PRKCQ: variants seen among roughly 807,000 people sequenced by gnomAD.
The protein encoded by PRKCQ is protein kinase C theta type.
In PRKCQ, 41 loss-of-function variants were observed where a neutral mutation model predicts 91.2. The observed-to-expected ratio is 0.45, with a 90% CI of 0.35 to 0.58. The LOEUF is 0.58. Ranked by LOEUF, PRKCQ falls within the 20% of genes least tolerant of loss-of-function variation. PRKCQ has a pLI of 0.00. For synonymous variants in PRKCQ, 307 were observed against 316.9 expected, an observed-to-expected ratio of 0.97 and a Z score of 0.33; for missense variants, 673 against 896.5, an observed-to-expected ratio of 0.75 and a Z score of 3.18.
intron 1 of PRKCQ, among the ~76,000 whole-genome samples, chr10:6,567,534 C>T (rs1236901845): frequency 6.6e-6 from 1 of 152,222 alleles, no homozygotes; most frequent in African/African-American, 2.4e-5. Flanking sequence ...TGCTTACATT[C>T]CTCAGGAGGG....
intron 1 of PRKCQ, among the ~76,000 whole-genome samples, chr10:6,563,754 A>G (rs560955693): frequency 1.3e-5 from 2 of 152,256 alleles, no homozygotes; most frequent in South Asian, 2.1e-4. Flanking sequence ...TTTACTGAGC[A>G]CTTGCTATGT....
At chr10:6,414,049 T>C in the PRKCQ span, among the ~76,000 whole-genome samples, 6 of 152,166 alleles carry the variant, frequency 3.9e-5, no homozygotes, top group African/African-American at 4.8e-5. Context: ...ATCCCCAAGA[T>C]TGTAGCACTT....
chr10:6,507,121 A>G (rs578254648), intron 4 of PRKCQ, among the ~76,000 whole-genome samples: 1 of 152,364 alleles, frequency 6.6e-6, no homozygotes, highest in East Asian at 1.9e-4. Flanking sequence ...GTACACACAT[A>G]ACCACACATC....
chr10:6,451,254 G>A (rs1564307905), intron 15 of PRKCQ, among the ~76,000 whole-genome samples: 1 of 150,748 alleles, frequency 6.6e-6, no homozygotes, highest in Non-Finnish European at 1.5e-5. Flanking sequence ...TATCACCACT[G>A]ATCCCACAGA....
chr10:6,458,638 C>T (rs746813716), intron 14 of PRKCQ, among the ~76,000 whole-genome samples: 11 of 152,062 alleles, frequency 7.2e-5, no homozygotes, highest in Admixed American at 2.0e-4. Flanking sequence ...GCATTACGGC[C>T]GGCTGGCTCC....
chr10:6,539,365 G>A (rs1476258754), intron 1 of PRKCQ, among the ~76,000 whole-genome samples: 4 of 152,048 alleles, frequency 2.6e-5, no homozygotes, highest in Non-Finnish European at 1.5e-5. Context: ...GTGAGTGACC[G>A]TTCCTGCCTG....
Position 6,554,721 on chromosome 10 carries a change from T to G in PRKCQ, c.-10+25490A>C, listed in dbSNP as rs1840340294. ...ACTTTCATTGGGAAGATAATTCATT[T>G]CCATTAAAAATTACTAAGTCTACAA... On this transcript the variant is annotated intron_variant, in intron 1 of 17. Coordinates refer to ENST00000263125, the MANE Select transcript of PRKCQ (RefSeq NM_006257.5). Among the ~76,000 whole-genome samples the G allele has an allele frequency of 2.6e-5, 4 of 152,208 alleles. No individual in the cohort carries two copies. In the South Asian group the frequency reaches 8.3e-4, roughly 32 times the overall value.
chr10:6,492,771 T>C (rs1364845986), intron 7 of PRKCQ, among the ~76,000 whole-genome samples: 1 of 152,228 alleles, frequency 6.6e-6, no homozygotes, highest in Non-Finnish European at 1.5e-5. Context: ...AATGTGAATA[T>C]TCTTGTGCAG....
rs1435263130 is a variant in PRKCQ at position 6,576,971 on chromosome 10, T to A, written c.-10+3240A>T. Among the ~76,000 whole-genome samples, 1 of 152,164 alleles carries A rather than the reference T, an allele frequency of 6.6e-6. No homozygotes were observed. Among genetic ancestry groups the A allele is most frequent in the African/African-American group, 2.4e-5 (1 of 41,434 alleles). On this transcript the variant is annotated intron_variant, in intron 1 of 17. Coordinates refer to ENST00000263125, the MANE Select transcript of PRKCQ (RefSeq NM_006257.5). The surrounding 1 kb of genome is among the most constrained non-coding windows in gnomAD (Gnocchi z 4.2). ...TAATGCCTCTTACATATAAATAAAA[T>A]TCTGAGTATGATATACAGCACATAA...
chr10:6,444,129 G>A (rs1834113170), intron 15 of PRKCQ, among the ~76,000 whole-genome samples: 1 of 152,176 alleles, frequency 6.6e-6, no homozygotes, highest in South Asian at 2.1e-4. Context: ...GGAGTGCAGT[G>A]GCACAATCTC....
intron 3 of PRKCQ, among the ~76,000 whole-genome samples, chr10:6,508,015 G>A (rs967918219): frequency 6.6e-6 from 1 of 152,192 alleles, no homozygotes; most frequent in African/African-American, 2.4e-5. Context: ...TTCACAAAGA[G>A]AGATTGTATT....
At chr10:6,401,942 A>G in the PRKCQ span, among the ~76,000 whole-genome samples, 7 of 152,192 alleles carry the variant, frequency 4.6e-5, no homozygotes, top group African/African-American at 1.7e-4. Context: ...GGTCTGAGGC[A>G]GCCCTGCCCA....
At chr10:6,422,239 C>A (rs192099658), downstream of PRKCQ, among the ~76,000 whole-genome samples, 1 of 152,066 alleles carries the variant, frequency 6.6e-6, no homozygotes, top group Non-Finnish European at 1.5e-5. Flanking sequence ...GCATAGATGG[C>A]GTTATTCACT....
At chr10:6,504,282 G>T (rs1448270671) in intron 4 of PRKCQ, among the ~76,000 whole-genome samples, 1 of 152,128 alleles carries the variant, frequency 6.6e-6, no homozygotes, top group Non-Finnish European at 1.5e-5. Flanking sequence ...CCAATACTGT[G>T]TAATTCCTTG....
chr10:6,553,240 A>G (rs1033339843), intron 1 of PRKCQ, among the ~76,000 whole-genome samples: 3 of 152,224 alleles, frequency 2.0e-5, no homozygotes, highest in Non-Finnish European at 4.4e-5. Context: ...TGCAGATTCC[A>G]TCGGAATAGA....
chr10:6,497,312 T>C lies in PRKCQ; in HGVS notation c.543-61A>G. 2 of 1,586,758 alleles carry C rather than the reference T, an allele frequency of 1.3e-6. No homozygotes were observed. Among genetic ancestry groups the C allele is most frequent in the Non-Finnish European group, 1.7e-6 (2 of 1,155,860 alleles). On this transcript the variant is annotated intron_variant, in intron 5 of 17. Transcript: ENST00000263125. This position sits in a 1 kb window ranked among gnomAD's most constrained non-coding sequence, Gnocchi z 4.5. ...GGCATCAACATCAGCACCAACAGCA[T>C]TTAAGAGATGGATGAGATCTCATAA...
intron 16 of PRKCQ, among the ~76,000 whole-genome samples, chr10:6,431,718 G>A (rs1833438059): frequency 6.6e-6 from 1 of 152,166 alleles, no homozygotes; most frequent in South Asian, 2.1e-4. Flanking sequence ...GGGGACTCAG[G>A]TATAATAGAA....
chr10:6,432,557 TAGAA>T (rs1478735579), intron 16 of PRKCQ, among the ~76,000 whole-genome samples: 3 of 152,104 alleles, frequency 2.0e-5, no homozygotes, highest in Non-Finnish European at 4.4e-5. Context: ...AGTACCCAAT[TAGAA>T]AGCCACTGCA....
At chr10:6,565,249 T>C (rs753162314) in intron 1 of PRKCQ, among the ~76,000 whole-genome samples, 7 of 152,234 alleles carry the variant, frequency 4.6e-5, no homozygotes, top group Non-Finnish European at 1.0e-4. Context: ...TTTAGACCCA[T>C]AGGTCTAGTC....
Sources: allele counts gnomAD v4.1 joint callset (sites outside exome capture counted in the v4.1 genomes callset), GRCh38; gene constraint gnomAD v4.1.1; non-coding constraint Gnocchi (gnomAD v3.1); transcripts MANE v1.5; gene names NCBI Gene and HGNC (gene_info 2026-07-23, HGNC 2026-07-21).